The following PARD3 variants were observed in gnomAD, a reference collection of about 807,000 sequenced individuals.
PARD3 encodes the protein partitioning defective 3 homolog.
Under a neutral mutation model 155.4 loss-of-function variants are expected in PARD3, and 75 were observed. That is an observed-to-expected ratio of 0.48 (90% CI 0.40 to 0.58). PARD3 has a LOEUF of 0.58. PARD3 is among the 20% of genes least tolerant of loss of function. PARD3 has a pLI of 0.00. For missense variants in PARD3, 1,642 were observed against 1,721.7 expected, an observed-to-expected ratio of 0.95 and a Z score of 0.82; for synonymous variants, 576 against 610.5, an observed-to-expected ratio of 0.94 and a Z score of 0.83.
At chr10:34,572,464 AC>A (rs2134166055) in intron 2 of PARD3, among the ~76,000 whole-genome samples, 1 of 152,144 alleles carries the variant, frequency 6.6e-6, no homozygotes, top group South Asian at 2.1e-4. Context: ...ACATGGTAAA[AC>A]CCTGTCTCTA....
chr10:34,431,742 A>C (rs1210575086), intron 5 of PARD3, among the ~76,000 whole-genome samples: 8 of 6,732 alleles, frequency 1.2e-3, no homozygotes, highest in Non-Finnish European at 2.3e-3. Context: ...CTCTGTCTCA[A>C]AAAAAAAAAA....
rs77005534 is a variant in PARD3 at position 34,192,052 on chromosome 10, A to C, written c.3420-60469T>G. The stretch of plus-strand genomic sequence containing the variant: ...ACACTTCAAAATCAGGCATTCTGAA[A>C]ACTAGCAAAAACCACTTTCCTGCTT... On this transcript the variant is annotated intron_variant, in intron 22 of 24. Coordinates refer to ENST00000374788, the MANE Select transcript of PARD3 (RefSeq NM_001184785.2). Among the ~76,000 whole-genome samples, 328 of 152,164 alleles carry C rather than the reference A, an allele frequency of 2.2e-3. 1 individual carries two copies. The highest frequency in any genetic ancestry group is 3.8e-3 in the Non-Finnish European group (260 of 67,978).
At chr10:34,516,953 G>T in intron 3 of PARD3, 26 bp downstream of exon 3, 1 of 1,599,602 alleles carries the variant, frequency 6.3e-7, no homozygotes, top group Non-Finnish European at 8.6e-7. Flanking sequence ...AGATGAAATG[G>T]AAGAGAAGAA....
At chr10:34,246,828 A>C (rs1238038696) in intron 22 of PARD3, among the ~76,000 whole-genome samples, 1 of 152,098 alleles carries the variant, frequency 6.6e-6, no homozygotes, top group East Asian at 1.9e-4. Flanking sequence ...CTTAGAATGA[A>C]AGTTACTCTG....
chr10:34,387,078 A>G (rs1215846838), intron 7 of PARD3, among the ~76,000 whole-genome samples: 1 of 152,200 alleles, frequency 6.6e-6, no homozygotes, highest in African/African-American at 2.4e-5. Context: ...TGGAATGTGT[A>G]TGCTTTCAGT....
chr10:34,640,926 A>C (rs1433985287), intron 2 of PARD3, among the ~76,000 whole-genome samples: 1 of 152,106 alleles, frequency 6.6e-6, no homozygotes, highest in Non-Finnish European at 1.5e-5. Flanking sequence ...TAAACATGTA[A>C]TAATTTTCAT....
At chr10:34,767,132 T>C (rs1433361483) in intron 1 of PARD3, among the ~76,000 whole-genome samples, 1 of 152,120 alleles carries the variant, frequency 6.6e-6, no homozygotes, top group Non-Finnish European at 1.5e-5. Flanking sequence ...TGAACATATA[T>C]TCAGCACCCA....
intron 22 of PARD3, among the ~76,000 whole-genome samples, chr10:34,258,893 G>A (rs919487115): frequency 6.6e-6 from 1 of 152,056 alleles, no homozygotes; most frequent in African/African-American, 2.4e-5. Context: ...AAAACACAGT[G>A]AGACTCCGTC....
chr10:34,240,686 G>C (rs1390402481), intron 22 of PARD3, among the ~76,000 whole-genome samples: 2 of 152,088 alleles, frequency 1.3e-5, no homozygotes, highest in African/African-American at 4.8e-5. Context: ...GGCTTGTTTT[G>C]CTTCCTGGTG....
At position 34,548,330 on chromosome 10, in the gene PARD3, A is replaced by AAC. The variant is rs374603106; in HGVS notation, c.223-31173_223-31172dup. On this transcript the variant is annotated intron_variant, in intron 2 of 24. Transcript: ENST00000374788. ...GTGGCAAAACCCTAACTCTACTAAA[A>AAC]ACACACACACACACAAAAAAAAGCC... Among the ~76,000 whole-genome samples the AAC allele has an allele frequency of 3.2e-3, 487 of 151,726 alleles. 1 individual carries two copies. The highest frequency in any genetic ancestry group is 0.01 in the Middle Eastern group (3 of 290).
At chr10:34,175,800 A>T (rs1383823028) in intron 22 of PARD3, among the ~76,000 whole-genome samples, 1 of 152,220 alleles carries the variant, frequency 6.6e-6, no homozygotes, top group Non-Finnish European at 1.5e-5. Context: ...ATTTTAAAGT[A>T]AAATTATATG....
intron 3 of PARD3, among the ~76,000 whole-genome samples, chr10:34,514,516 G>A (rs988230350): frequency 2.0e-5 from 3 of 152,152 alleles, no homozygotes; most frequent in East Asian, 1.9e-4. Flanking sequence ...GATGCATTAC[G>A]TTCACATAGT....
intron 23 of PARD3, among the ~76,000 whole-genome samples, chr10:34,130,549 A>G (rs1947552030): frequency 6.6e-6 from 1 of 152,098 alleles, no homozygotes; most frequent in African/African-American, 2.4e-5. Context: ...AAGTCTCCCA[A>G]AGAAATTCTT....
At chr10:34,647,474 A>C (rs1217002096) in intron 2 of PARD3, among the ~76,000 whole-genome samples, 1 of 152,234 alleles carries the variant, frequency 6.6e-6, no homozygotes, top group Non-Finnish European at 1.5e-5. Flanking sequence ...CATAAATAGT[A>C]CCAGGGCAGT....
In PARD3 at chr10:34,160,345, C is replaced by T. The variant is rs529179121; in HGVS notation, c.3420-28762G>A. On this transcript the variant is annotated intron_variant, in intron 22 of 24. Transcript: ENST00000374788. ...GCACACTCATGTAGAACTAATAAGG[C>T]TTCAATTAACAAAGCAGATTGATCT... is the stretch of plus-strand genomic sequence containing the variant. Among the ~76,000 whole-genome samples, 13 of 152,300 alleles carry T rather than the reference C, an allele frequency of 8.5e-5. No homozygotes were observed. The South Asian group carries it at 2.5e-3, about 29-fold the overall frequency.
chr10:34,292,515 C>T (rs139208526), intron 20 of PARD3, among the ~76,000 whole-genome samples: 28 of 152,200 alleles, frequency 1.8e-4, no homozygotes, highest in African/African-American at 5.1e-4. Context: ...AGAAAGGGTA[C>T]GTGACAACTT....
At chr10:34,339,311 C>G (rs974643509) in intron 16 of PARD3, among the ~76,000 whole-genome samples, 1 of 151,726 alleles carries the variant, frequency 6.6e-6, no homozygotes, top group Non-Finnish European at 1.5e-5. Context: ...GAGCCAAGAT[C>G]GCGCCACTAC....
chr10:34,516,267 A>T (rs2081759306), intron 3 of PARD3, among the ~76,000 whole-genome samples: 1 of 152,170 alleles, frequency 6.6e-6, no homozygotes, highest in Admixed American at 6.6e-5. Flanking sequence ...GCCCAGCCAA[A>T]AAATCTTTTA....
rs34946128 is a variant in PARD3 at position 34,165,820 on chromosome 10, C to T, written c.3420-34237G>A. 4.5e-3 allele frequency among the ~76,000 whole-genome samples: 684 copies of T among 152,264 alleles called. 3 individuals are homozygous for T. Among genetic ancestry groups the T allele is most frequent in the Admixed American group, 7.5e-3 (114 of 15,292 alleles). On this transcript the variant is annotated intron_variant, in intron 22 of 24. Transcript: ENST00000374788. ...CGTTCTCATTCATTGGCTGGTATAT[C>T]CCATATCAATGGTCATTTTCATGCA...
Sources: allele counts gnomAD v4.1 joint callset (sites outside exome capture counted in the v4.1 genomes callset), GRCh38; gene constraint gnomAD v4.1.1; transcripts MANE v1.5; gene names NCBI Gene and HGNC (gene_info 2026-07-23, HGNC 2026-07-21).